PSMD1: variants seen among roughly 807,000 people sequenced by gnomAD.
PSMD1 encodes 26S proteasome non-ATPase regulatory subunit 1.
In PSMD1, 18 loss-of-function variants were observed where a neutral mutation model predicts 119.0. That is an observed-to-expected ratio of 0.15 (90% CI 0.10 to 0.22). The LOEUF (loss-of-function observed/expected upper bound fraction) is 0.22. Among genes scored for constraint, PSMD1 ranks in the 10% least tolerant of loss-of-function variants. The pLI is 1.00. For synonymous variants in PSMD1, 374 were observed against 396.6 expected (o/e 0.94, Z 0.68); for missense variants, 702 against 1,158.5 (o/e 0.61, Z 5.72).
At chr2:231,145,488 T>C (rs1199802799) in intron 17 of PSMD1, among the ~76,000 whole-genome samples, 4 of 152,206 alleles carry the variant, frequency 2.6e-5, no homozygotes, top group Admixed American at 2.0e-4. Flanking sequence ...ACTGTACACT[T>C]TGGCTACTAA....
chr2:231,063,634 A>G (rs1039641586), intron 4 of PSMD1, among the ~76,000 whole-genome samples: 7 of 152,334 alleles, frequency 4.6e-5, no homozygotes, highest in South Asian at 2.1e-4. Context: ...AGTTTTTGCT[A>G]TGATGATGTG....
At chr2:231,091,493 G>A (rs1211311298) in intron 16 of PSMD1, among the ~76,000 whole-genome samples, 1 of 152,100 alleles carries the variant, frequency 6.6e-6, no homozygotes, top group Non-Finnish European at 1.5e-5. Context: ...TTTTACATCA[G>A]GTTTTGTTAA....
At chr2:231,161,826 G>A (rs1696648214) in intron 20 of PSMD1, among the ~76,000 whole-genome samples, 1 of 152,170 alleles carries the variant, frequency 6.6e-6, no homozygotes, top group Non-Finnish European at 1.5e-5. Flanking sequence ...TAAAGCCTGG[G>A]AACTGTCGAA....
At chr2:231,159,378 A>G (rs927695957) in intron 19 of PSMD1, among the ~76,000 whole-genome samples, 5 of 151,782 alleles carry the variant, frequency 3.3e-5, no homozygotes, top group Non-Finnish European at 7.4e-5. Context: ...TAAAAACAAA[A>G]TGACCTAGTG....
In PSMD1 at chr2:231,056,914, C is replaced by A; in HGVS notation, c.-112C>A. The A allele has an allele frequency of 7.0e-7, 1 of 1,427,118 alleles. No individual in the cohort carries two copies. The highest frequency in any genetic ancestry group is 9.5e-7 in the Non-Finnish European group (1 of 1,050,982). 88.4% of individuals were successfully genotyped at this position (1,427,118 alleles called of 1,614,324 possible). A position where few individuals can be genotyped will look rare whatever the true frequency, so the allele number is the denominator to read the frequency against. On this transcript the variant is annotated 5_prime_UTR_variant, in exon 1 of 25. Coordinates refer to ENST00000308696, the MANE Select transcript of PSMD1 (RefSeq NM_002807.4). The stretch of plus-strand genomic sequence containing the variant: ...CGGCCTGAGGAGGCGACTGACTGAG[C>A]AGCGCACCCGGGGAGCAAGGAGGCG...
intron 23 of PSMD1, among the ~76,000 whole-genome samples, chr2:231,169,161 G>A (rs1019610880): frequency 6.6e-6 from 1 of 151,802 alleles, no homozygotes; most frequent in Non-Finnish European, 1.5e-5. Flanking sequence ...ATTTTTTTTT[G>A]TGTGTGTGTT....
chr2:231,078,575 A>G, intron 9 of PSMD1, 84 bp from the exon 10 acceptor site: 1 of 913,236 alleles, frequency 1.1e-6, no homozygotes, highest in Non-Finnish European at 1.6e-6. Flanking sequence ...TTACCACAAA[A>G]TAGGACCTCT....
intron 1 of PSMD1, among the ~76,000 whole-genome samples, chr2:231,060,592 G>A (rs541065079): frequency 6.4e-4 from 97 of 152,280 alleles, no homozygotes; most frequent in Admixed American, 1.2e-3. Flanking sequence ...TATGTTAGTG[G>A]TAATACCTTG....
chr2:231,097,950 T>C (rs966276670), intron 16 of PSMD1, among the ~76,000 whole-genome samples: 8 of 152,148 alleles, frequency 5.3e-5, no homozygotes, highest in African/African-American at 1.9e-4. Context: ...GGCTGACTGA[T>C]TGATAACCTG....
intron 16 of PSMD1, among the ~76,000 whole-genome samples, chr2:231,105,320 T>G (rs1007483029): frequency 6.6e-6 from 1 of 152,138 alleles, no homozygotes; most frequent in Non-Finnish European, 1.5e-5. Flanking sequence ...AAATAAGTGA[T>G]TGTTGGGCCC....
intron 19 of PSMD1, among the ~76,000 whole-genome samples, chr2:231,156,253 A>T (rs1448194879): frequency 2.0e-5 from 3 of 152,108 alleles, no homozygotes; most frequent in African/African-American, 7.2e-5. Flanking sequence ...GAGTTTCCAT[A>T]TGTCCCCTTT....
intron 1 of PSMD1, 22 bp from the exon 2 acceptor site, chr2:231,061,245 T>C: frequency 1.3e-6 from 2 of 1,566,984 alleles, no homozygotes; most frequent in East Asian, 2.3e-5. Context: ...TTCATAATCA[T>C]GTTACATCTT....
intron 16 of PSMD1, chr2:231,108,694 C>A (rs765759750): frequency 3.1e-6 from 5 of 1,614,120 alleles, no homozygotes; most frequent in Non-Finnish European, 3.4e-6. Flanking sequence ...ACTTAGAGTT[C>A]TCTGCCATTG....
chr2:231,140,406 G>A (rs112739548), intron 17 of PSMD1, among the ~76,000 whole-genome samples: 52 of 148,262 alleles, frequency 3.5e-4, no homozygotes, highest in African/African-American at 1.3e-3. Context: ...TGAGGCAGGA[G>A]AATTGCTTGA....
chr2:231,070,246 C>T (rs1479018471), intron 6 of PSMD1, 78 bp downstream of exon 6: 1 of 1,123,808 alleles, frequency 8.9e-7, no homozygotes, highest in Non-Finnish European at 1.1e-6. Flanking sequence ...CATTTTATTA[C>T]TTTATATTAC....
intron 9 of PSMD1, among the ~76,000 whole-genome samples, chr2:231,077,810 A>G (rs113083949): frequency 0.022 from 3,399 of 152,292 alleles, 138 homozygotes; most frequent in African/African-American, 0.077. Context: ...TTTTATAGCC[A>G]TATATTATTG....
chr2:231,115,319 A>G (rs563944762), intron 16 of PSMD1, among the ~76,000 whole-genome samples: 1 of 152,152 alleles, frequency 6.6e-6, no homozygotes, highest in Middle Eastern at 3.2e-3. Context: ...GCACTTGACA[A>G]AGTATCCAGA....
chr2:231,133,240 A>AC (rs1574760384), intron 16 of PSMD1, among the ~76,000 whole-genome samples: 1 of 152,046 alleles, frequency 6.6e-6, no homozygotes, highest in East Asian at 1.9e-4. Flanking sequence ...GCGCGCCACC[A>AC]CACCCGGCTA....
At chr2:231,169,804 G>T (rs185276164) in intron 23 of PSMD1, among the ~76,000 whole-genome samples, 59 of 152,278 alleles carry the variant, frequency 3.9e-4, no homozygotes, top group African/African-American at 1.4e-3. Flanking sequence ...ACACTAGAGA[G>T]GGGTGAATAG....
Sources: allele counts gnomAD v4.1 joint callset (sites outside exome capture counted in the v4.1 genomes callset), GRCh38; gene constraint gnomAD v4.1.1; transcripts MANE v1.5; gene names NCBI Gene and HGNC (gene_info 2026-07-23, HGNC 2026-07-21).